The following MECOM variants were observed in gnomAD, a reference collection of about 807,000 sequenced individuals.
The protein encoded by MECOM is MDS1 and EVI1 complex locus, also known as histone-lysine N-methyltransferase MECOM.
A neutral mutation model predicts 116.3 loss-of-function variants in MECOM; 13 were observed. The ratio of observed to expected loss-of-function variants is 0.11; its 90% CI spans 0.07 to 0.18. MECOM has a LOEUF of 0.18. Among genes scored for constraint, MECOM ranks in the 10% least tolerant of loss-of-function variants. MECOM has a pLI of 1.00. For missense variants in MECOM, 1,299 were observed against 1,509.0 expected (o/e 0.86, Z 2.31); for synonymous variants, 528 against 535.2 (o/e 0.99, Z 0.19).
At chr3:169,372,864 C>T (rs1374037516) in intron 2 of MECOM, among the ~76,000 whole-genome samples, 1 of 151,960 alleles carries the variant, frequency 6.6e-6, no homozygotes, top group East Asian at 1.9e-4. Flanking sequence ...TCCCAAATCA[C>T]TCAAGCCCAC....
chr3:169,278,775 C>A (rs541344455), intron 2 of MECOM, among the ~76,000 whole-genome samples: 1 of 152,348 alleles, frequency 6.6e-6, no homozygotes, highest in South Asian at 2.1e-4. Flanking sequence ...GTTCCTGATG[C>A]ATGACGAACT....
chr3:169,246,768 C>A (rs1755638321), intron 2 of MECOM, among the ~76,000 whole-genome samples: 1 of 152,146 alleles, frequency 6.6e-6, no homozygotes, highest in Admixed American at 6.5e-5. Flanking sequence ...GATCCGCCCG[C>A]CTTGGCCTCC....
At chr3:169,196,948 G>T (rs540727953) in intron 2 of MECOM, among the ~76,000 whole-genome samples, 2 of 152,120 alleles carry the variant, frequency 1.3e-5, no homozygotes, top group Admixed American at 6.6e-5. Flanking sequence ...TAAAGAAATT[G>T]TGGTATAGAT....
chr3:169,379,494 G>A (rs987900970), intron 2 of MECOM, among the ~76,000 whole-genome samples: 1 of 149,694 alleles, frequency 6.7e-6, no homozygotes, highest in African/African-American at 2.5e-5. Flanking sequence ...ATTTCTCAAG[G>A]TAAATATTTG....
chr3:169,416,187 A>C (rs1183314811), intron 1 of MECOM, among the ~76,000 whole-genome samples: 1 of 152,228 alleles, frequency 6.6e-6, no homozygotes, highest in Non-Finnish European at 1.5e-5. Context: ...CTCCAACCAC[A>C]GTGCAATCAA....
intron 2 of MECOM, among the ~76,000 whole-genome samples, chr3:169,199,594 G>A (rs1333112043): frequency 6.6e-6 from 1 of 151,804 alleles, no homozygotes; most frequent in Non-Finnish European, 1.5e-5. Flanking sequence ...TTTCTTTCTG[G>A]TTTCAAAGCA....
At chr3:169,633,545 C>T (rs1212662899) in intron 1 of MECOM, among the ~76,000 whole-genome samples, 3 of 152,152 alleles carry the variant, frequency 2.0e-5, no homozygotes, top group Non-Finnish European at 2.9e-5. Flanking sequence ...CATCACTATA[C>T]ATGGATAACA....
At chr3:169,275,136 A>G (rs536147437) in intron 2 of MECOM, among the ~76,000 whole-genome samples, 1 of 152,260 alleles carries the variant, frequency 6.6e-6, no homozygotes, top group East Asian at 1.9e-4. Context: ...TTCCCCTCTG[A>G]GTTATTCAAA....
At chr3:169,132,212 C>G (rs1734947246) in intron 3 of MECOM, among the ~76,000 whole-genome samples, 1 of 152,096 alleles carries the variant, frequency 6.6e-6, no homozygotes, top group Admixed American at 6.5e-5. Context: ...TGCTTATTCC[C>G]CTTGCTTTCT....
Position 169,098,047 on chromosome 3 carries a change from T to C in MECOM, c.2850-2802A>G, listed in dbSNP as rs188614864. ...TTTACTTTTTTTAATTTTTTCTTTT[T>C]GAAATAATTTTAGACTTACAGAAGA... is the stretch of plus-strand genomic sequence containing the variant. On this transcript the variant is annotated intron_variant, in intron 12 of 16. Transcript: ENST00000651503. Among the ~76,000 whole-genome samples, 609 of 152,244 alleles carry C rather than the reference T, an allele frequency of 4.0e-3. 3 individuals are homozygous for C. Among genetic ancestry groups the C allele is most frequent in the South Asian group, 0.017 (81 of 4,830 alleles).
chr3:169,567,341 T>A (rs970767261), intron 1 of MECOM, among the ~76,000 whole-genome samples: 2 of 152,226 alleles, frequency 1.3e-5, no homozygotes, highest in Admixed American at 1.3e-4. Context: ...TCTGTTCATT[T>A]CCCATCACCC....
chr3:169,327,494 C>T (rs990050569), intron 2 of MECOM, among the ~76,000 whole-genome samples: 9 of 151,744 alleles, frequency 5.9e-5, no homozygotes, highest in African/African-American at 1.2e-4. Flanking sequence ...AAAAATTAGC[C>T]GGGTATGGTG....
chr3:169,240,878 C>G (rs1375695687), intron 2 of MECOM, among the ~76,000 whole-genome samples: 1 of 152,168 alleles, frequency 6.6e-6, no homozygotes, highest in East Asian at 1.9e-4. Context: ...CTAATGCTTT[C>G]TCCTGTGAGA....
intron 1 of MECOM, among the ~76,000 whole-genome samples, chr3:169,537,460 G>T (rs1025224516): frequency 6.6e-6 from 1 of 152,182 alleles, no homozygotes; most frequent in African/African-American, 2.4e-5. Context: ...CCAGATAAAT[G>T]AAATCAGAGA....
At chr3:169,504,431 T>C (rs1247320430) in intron 1 of MECOM, among the ~76,000 whole-genome samples, 1 of 152,176 alleles carries the variant, frequency 6.6e-6, no homozygotes, top group African/African-American at 2.4e-5. Flanking sequence ...CTCAATTATT[T>C]AATTGCTTTA....
At chr3:169,119,383 C>T (rs1490557708) in intron 7 of MECOM, among the ~76,000 whole-genome samples, 1 of 152,170 alleles carries the variant, frequency 6.6e-6, no homozygotes, top group Non-Finnish European at 1.5e-5. Context: ...ATGCCATCTG[C>T]TATTTAAATT....
chr3:169,493,088 T>C (rs886138325), intron 1 of MECOM, among the ~76,000 whole-genome samples: 1 of 152,204 alleles, frequency 6.6e-6, no homozygotes. Flanking sequence ...GCTGAAACTT[T>C]AGCTAATATG....
intron 1 of MECOM, among the ~76,000 whole-genome samples, chr3:169,509,577 T>G (rs1211639434): frequency 6.6e-6 from 1 of 152,182 alleles, no homozygotes; most frequent in South Asian, 2.1e-4. Flanking sequence ...ATTTGCCTAT[T>G]CTAGGCCTCT....
chr3:169,437,869 CATAT>C (rs1742927221), intron 1 of MECOM, among the ~76,000 whole-genome samples: 1 of 152,106 alleles, frequency 6.6e-6, no homozygotes, highest in Non-Finnish European at 1.5e-5. Context: ...ATTGCAATGT[CATAT>C]ATAGAGTGAC....
Sources: allele counts gnomAD v4.1 joint callset (sites outside exome capture counted in the v4.1 genomes callset), GRCh38; gene constraint gnomAD v4.1.1; transcripts MANE v1.5; gene names NCBI Gene and HGNC (gene_info 2026-07-23, HGNC 2026-07-21).